CDK17: variants seen among roughly 807,000 people sequenced by gnomAD.
CDK17 encodes the protein cyclin dependent kinase 17.
In CDK17, 24 loss-of-function variants were observed where a neutral mutation model predicts 77.6. The ratio of observed to expected loss-of-function variants is 0.31; its 90% CI spans 0.22 to 0.44. The LOEUF (loss-of-function observed/expected upper bound fraction) is 0.44. Ranked by LOEUF, CDK17 falls within the 20% of genes least tolerant of loss-of-function variation. The probability of loss-of-function intolerance (pLI) is 1.00; values close to 1 mark genes in which losing one functional copy is unlikely to be tolerated. For synonymous variants in CDK17, 203 were observed against 210.4 expected (o/e 0.96, Z 0.30); for missense variants, 429 against 622.5 (o/e 0.69, Z 3.31).
chr12:96,289,192 C>T lies in CDK17; in HGVS notation c.1093G>A (p.Glu365Lys). 1 of 1,613,892 alleles carries T rather than the reference C, an allele frequency of 6.2e-7. No individual in the cohort carries two copies. The change falls in exon 11 of 17, where the codon GAG becomes AAG. Residue 365 changes from glutamate (E) to lysine (K), a missense_variant. Physicochemically the swap from Glu to Lys is moderately conservative, Grantham distance 56. Around this residue, in one of 4 missense-constraint regions of CDK17, gnomAD observed 51 missense variants for 96.5 expected, o/e 0.53. Coordinates refer to ENST00000261211, the MANE Select transcript of CDK17 (RefSeq NM_002595.5). ...RPPDVLLGSSEYSTQIDMWGV... is the reference protein window; with the variant it reads ...RPPDVLLGSSKYSTQIDMWGV... ...CACATGTCAATCTGTGTTGAGTACT[C>T]CGAGGAACCAAGAAGCACATCAGGT...
At chr12:96,381,848 GCAGT>G (rs1953888953) in intron 1 of CDK17, among the ~76,000 whole-genome samples, 1 of 152,010 alleles carries the variant, frequency 6.6e-6, no homozygotes, top group South Asian at 2.1e-4. Context: ...GATTCAGGGA[GCAGT>G]CAAAGTCTCC....
chr12:96,297,791 T>C (rs1592711279), intron 7 of CDK17, 70 bp from the exon 8 acceptor site: 2 of 808,230 alleles, frequency 2.5e-6, no homozygotes, highest in Middle Eastern at 2.3e-4. Flanking sequence ...AAGTTGAACA[T>C]ACGAACTGAT....
chr12:96,356,521 T>C (rs555735644), intron 1 of CDK17, among the ~76,000 whole-genome samples: 1 of 152,312 alleles, frequency 6.6e-6, no homozygotes, highest in South Asian at 2.1e-4. Flanking sequence ...TCCTCCCACC[T>C]GGGCCTCCTA....
In CDK17 at chr12:96,298,903, A is replaced by G; in HGVS notation, c.681T>C (p.His227=). Residue 227 remains histidine, a synonymous_variant, in exon 7 of 17, where the codon CAT becomes CAC. Transcript: ENST00000261211. The stretch of plus-strand genomic sequence containing the variant: ...TAGCTGTGCAGGGTGCACCTTCTTC[A>G]TGTTCCAATCGGATCTCTTTTAATG... The part of the protein sequence containing the change: ...LVALKEIRLE[H]EEGAPCTAIR... 3.1e-6 allele frequency: 5 copies of G among 1,609,396 alleles called. No homozygotes were observed. The highest frequency in any genetic ancestry group is 4.3e-6 in the Non-Finnish European group (5 of 1,176,090).
chr12:96,329,650 T>C (rs1301359726), intron 2 of CDK17, among the ~76,000 whole-genome samples: 1 of 152,200 alleles, frequency 6.6e-6, no homozygotes, highest in African/African-American at 2.4e-5. Flanking sequence ...AAGGAACTTG[T>C]GCTATTTGTT....
chr12:96,341,551 T>C (rs1233081065), intron 1 of CDK17, among the ~76,000 whole-genome samples: 11 of 152,308 alleles, frequency 7.2e-5, no homozygotes, highest in African/African-American at 2.6e-4. Context: ...AAAAGGAACA[T>C]GCAAATATAA....
At position 96,334,759 on chromosome 12, in the gene CDK17, A is replaced by G. The variant is rs773578656; in HGVS notation, c.78T>C (p.Ala26=). 6.2e-7 allele frequency: 1 copy of G among 1,611,422 alleles called. No homozygotes were observed. The highest frequency in any genetic ancestry group is 2.2e-5 in the East Asian group (1 of 44,782). ...TGTTTTCTTCAATAGTCATTTGTTC[A>G]GCCAATTCAGACAATGATTCATCAA... The part of the protein sequence containing the change: ...QTIDESLSEL[A]EQMTIEENSS... The change falls in exon 2 of 17, where the codon GCT becomes GCC. Residue 26 remains alanine, a synonymous_variant. Transcript: ENST00000261211.
intron 1 of CDK17, among the ~76,000 whole-genome samples, chr12:96,374,738 C>T (rs1953751156): frequency 6.6e-6 from 1 of 152,142 alleles, no homozygotes; most frequent in African/African-American, 2.4e-5. Context: ...TTCAGATGGG[C>T]TGAATACCAG....
chr12:96,293,653 T>G (rs1371477134), intron 10 of CDK17, among the ~76,000 whole-genome samples: 1 of 152,226 alleles, frequency 6.6e-6, no homozygotes, highest in Non-Finnish European at 1.5e-5. Flanking sequence ...TTTGTTGCAC[T>G]AAAATTCATT....
intron 1 of CDK17, among the ~76,000 whole-genome samples, chr12:96,363,966 C>T (rs1170048486): frequency 6.6e-6 from 1 of 152,232 alleles, no homozygotes; most frequent in Non-Finnish European, 1.5e-5. Flanking sequence ...CTTTCAGTCC[C>T]TTACAGCATA....
intron 1 of CDK17, among the ~76,000 whole-genome samples, chr12:96,395,999 T>C (rs1214792113): frequency 6.6e-6 from 1 of 152,192 alleles, no homozygotes. Flanking sequence ...TAAGGTGATA[T>C]CAAAAAATAT....
chr12:96,301,335 C>T (rs1461028607), intron 5 of CDK17, among the ~76,000 whole-genome samples: 1 of 150,952 alleles, frequency 6.6e-6, no homozygotes, highest in African/African-American at 2.4e-5. Context: ...AACTTGAGCT[C>T]GCCTGACTAT....
intron 1 of CDK17, among the ~76,000 whole-genome samples, chr12:96,345,698 T>G (rs1953198131): frequency 6.6e-6 from 1 of 152,190 alleles, no homozygotes; most frequent in African/African-American, 2.4e-5. Context: ...ACTACTAAGT[T>G]GGTATTATTC....
At chr12:96,303,317 AAAT>A (rs1291213726) in intron 5 of CDK17, 1 of 152,220 alleles carries the variant, frequency 6.6e-6, no homozygotes, top group Non-Finnish European at 1.5e-5. Flanking sequence ...ACAGAAACAG[AAAT>A]AATAGCTAAA....
intron 13 of CDK17, chr12:96,284,414 T>C (rs930565869): frequency 7.8e-6 from 1 of 128,224 alleles, no homozygotes; most frequent in Non-Finnish European, 1.5e-5. Context: ...TGACCTGAGA[T>C]AGCACCACTG....
chr12:96,400,235 G>A lies in CDK17; in HGVS notation c.-279C>T. The stretch of plus-strand genomic sequence containing the variant: ...CCTCGGTCAACATGGCTCCCGCGCC[G>A]ACGAGCCGCGCGGACGGCCCACTAA... On this transcript the variant is annotated 5_prime_UTR_variant, in exon 1 of 17. Coordinates refer to ENST00000261211, the MANE Select transcript of CDK17 (RefSeq NM_002595.5). 1 of 394,094 alleles carries A rather than the reference G, an allele frequency of 2.5e-6. No homozygotes were observed. The highest frequency in any genetic ancestry group is 2.1e-5 in the African/African-American group (1 of 48,474). 24.4% of individuals were successfully genotyped at this position (394,094 alleles called of 1,614,324 possible). A position where few individuals can be genotyped will look rare whatever the true frequency, so the allele number is the denominator to read the frequency against.
At chr12:96,292,639 A>C (rs1454400877) in intron 10 of CDK17, among the ~76,000 whole-genome samples, 1 of 152,138 alleles carries the variant, frequency 6.6e-6, no homozygotes, top group Non-Finnish European at 1.5e-5. Context: ...ATAATCATTT[A>C]TGAAAAAAAA....
Position 96,322,763 on chromosome 12 carries a change from T to C in CDK17, c.283+1185A>G, listed in dbSNP as rs1411942608. On this transcript the variant is annotated intron_variant, in intron 3 of 16. Transcript: ENST00000261211. ...GAAGCAATGACTTTTGCATATTCATTACCTTTGTTTTTAATTTAGTTTACC... is the reference window on the plus strand; with the variant it reads ...GAAGCAATGACTTTTGCATATTCATCACCTTTGTTTTTAATTTAGTTTACC... Among the ~76,000 whole-genome samples the C allele has an allele frequency of 3.3e-5, 5 of 152,248 alleles. No individual in the cohort carries two copies. The South Asian group carries it at 1.0e-3, about 31-fold the overall frequency.
chr12:96,313,515 C>A, intron 3 of CDK17, 61 bp from the exon 4 acceptor site: 1 of 957,544 alleles, frequency 1.0e-6, no homozygotes. Context: ...AATTTATTAT[C>A]ACTATGGGTA....
Sources: allele counts gnomAD v4.1 joint callset (sites outside exome capture counted in the v4.1 genomes callset), GRCh38; gene constraint gnomAD v4.1.1; regional missense constraint gnomAD v4.1.1; transcripts MANE v1.5; gene names NCBI Gene and HGNC (gene_info 2026-07-23, HGNC 2026-07-21).